Variants in CATSPER4 observed in about 807,000 individuals in gnomAD.
The protein encoded by CATSPER4 is cation channel sperm associated 4, also known as cation channel sperm-associated protein 4.
CATSPER4 carries 46 observed loss-of-function variants against 54.4 expected under a neutral mutation model. The ratio of observed to expected loss-of-function variants is 0.84; its 90% CI spans 0.67 to 1.08. The LOEUF is 1.08. Among genes scored for constraint, CATSPER4 ranks in the 50% least tolerant of loss-of-function variants. The probability of loss-of-function intolerance (pLI) is 0.00; values close to 1 mark genes in which losing one functional copy is unlikely to be tolerated. For missense variants in CATSPER4, 574 were observed against 612.8 expected (o/e 0.94, Z 0.67); for synonymous variants, 230 against 231.9 (o/e 0.99, Z 0.08).
At chr1:26,197,829 C>T in intron 4 of CATSPER4, 46 bp downstream of exon 4, 1 of 1,607,508 alleles carries the variant, frequency 6.2e-7, no homozygotes, top group Non-Finnish European at 8.5e-7. Flanking sequence ...ATCTGGAACC[C>T]AGGAATGAGA....
chr1:26,192,129 C>CTT (rs1189162445), intron 2 of CATSPER4, among the ~76,000 whole-genome samples: 120 of 139,710 alleles, frequency 8.6e-4, no homozygotes, highest in African/African-American at 2.6e-3. Context: ...GTTTTAATTT[C>CTT]TTTTTTTTTT....
In CATSPER4 at chr1:26,200,823, T is replaced by G. The variant is rs1325458968; in HGVS notation, c.988-7T>G. ...GTCCCGACCCCTCTCTATCCCCCGCTTCCCAGACAGGCGCAGAGGAAGAGG... is the reference window on the plus strand; with the variant it reads ...GTCCCGACCCCTCTCTATCCCCCGCGTCCCAGACAGGCGCAGAGGAAGAGG... On this transcript the variant is annotated splice_polypyrimidine_tract_variant and splice_region_variant and intron_variant, in intron 7 of 9. Transcript: ENST00000456354. 7.4e-6 allele frequency: 12 copies of G among 1,612,946 alleles called. No homozygotes were observed. The highest frequency in any genetic ancestry group is 1.0e-5 in the Non-Finnish European group (12 of 1,179,136).
At chr1:26,193,951 C>G in intron 3 of CATSPER4, 63 bp downstream of exon 3, 1 of 1,083,436 alleles carries the variant, frequency 9.2e-7, no homozygotes, top group Non-Finnish European at 1.4e-6. Context: ...CAGTCTGCCC[C>G]TGTACTCCTG....
At chr1:26,194,678 A>C (rs1454978980) in intron 3 of CATSPER4, among the ~76,000 whole-genome samples, 1 of 152,240 alleles carries the variant, frequency 6.6e-6, no homozygotes, top group Non-Finnish European at 1.5e-5. Context: ...GGATCTGCAG[A>C]CAGGCAGACT....
rs1569904288 is a variant in CATSPER4 at position 26,196,119 on chromosome 1, A to C, written c.460-1567A>C. On this transcript the variant is annotated intron_variant, in intron 3 of 9. Coordinates refer to ENST00000456354, the MANE Select transcript of CATSPER4 (RefSeq NM_198137.2). ...AATCTTTCTATATCAGTACATGGAGATCTTTCTCATTTTTCTTTCTTTTCC... is the reference window on the plus strand; with the variant it reads ...AATCTTTCTATATCAGTACATGGAGCTCTTTCTCATTTTTCTTTCTTTTCC... 2.0e-5 allele frequency among the ~76,000 whole-genome samples: 3 copies of C among 147,088 alleles called. No homozygotes were observed. The East Asian group carries it at 5.9e-4, about 29-fold the overall frequency.
In CATSPER4 at chr1:26,202,924, G is replaced by A. The variant is rs553979826; in HGVS notation, c.*382G>A. ...AGAAGAGAAAGGCAAGGCCAGTGGGGCCAGACATCTGTGTGTTGACAATAA... is the reference window on the plus strand; with the variant it reads ...AGAAGAGAAAGGCAAGGCCAGTGGGACCAGACATCTGTGTGTTGACAATAA... On this transcript the variant is annotated 3_prime_UTR_variant, in exon 10 of 10. Transcript: ENST00000456354. 305 of 302,442 alleles carry A rather than the reference G, an allele frequency of 1.0e-3. 2 individuals are homozygous for A. The highest frequency in any genetic ancestry group is 5.8e-3 in the African/African-American group (274 of 47,310). 18.7% of individuals were successfully genotyped at this position (302,442 alleles called of 1,614,324 possible). A position where few individuals can be genotyped will look rare whatever the true frequency, so the allele number is the denominator to read the frequency against.
chr1:26,192,344 C>T (rs1364980977), intron 2 of CATSPER4, among the ~76,000 whole-genome samples: 1 of 151,946 alleles, frequency 6.6e-6, no homozygotes. Flanking sequence ...AATCCCAACA[C>T]TTTGGCAGGC....
At position 26,198,046 on chromosome 1, in the gene CATSPER4, A is replaced by G. The variant is rs1329626975; in HGVS notation, c.647A>G (p.Asn216Ser). ...VILQSVPDMA[N>S]IMVLILFFML... ...CTGCAGTCGGTGCCTGACATGGCCA[A>G]TATCATGGTCCTCATCCTCTTCTTC... Residue 216 changes from asparagine (N) to serine (S), a missense_variant, in exon 5 of 10, where the codon AAT becomes AGT. Transcript: ENST00000456354. The G allele has an allele frequency of 2.5e-6, 4 of 1,613,880 alleles. No homozygotes were observed. The highest frequency in any genetic ancestry group is 1.1e-5 in the South Asian group (1 of 91,090).
intron 2 of CATSPER4, 45 bp downstream of exon 2, chr1:26,191,475 G>A (rs557773497): frequency 2.5e-6 from 4 of 1,606,270 alleles, no homozygotes; most frequent in Non-Finnish European, 2.6e-6. Context: ...CTAATGGGGG[G>A]CCTGGGGCAA....
Position 26,199,905 on chromosome 1 carries a change from A to C in CATSPER4, c.834A>C (p.Ala278=), listed in dbSNP as rs2088987657. 1 of 1,614,052 alleles carries C rather than the reference A, an allele frequency of 6.2e-7. No individual in the cohort carries two copies. The highest frequency in any genetic ancestry group is 1.3e-5 in the African/African-American group (1 of 74,932). ...SDFQTEKREY[A]MEIGGAIYFT... ...GCAGGACAGAGAAGAGGGAATATGC[A>C]ATGGAGATTGGGGGTGCCATCTACT... The change falls in exon 7 of 10, where the codon GCA becomes GCC. Residue 278 remains alanine (A), a synonymous_variant. Transcript: ENST00000456354.
rs561885735 is a variant in CATSPER4, at chr1:26,202,795, G to C, written c.*253G>C. 639 of 564,036 alleles carry C rather than the reference G, an allele frequency of 1.1e-3. No individual in the cohort carries two copies. The highest frequency in any genetic ancestry group is 1.8e-3 in the Non-Finnish European group (565 of 314,238). 34.9% of individuals were successfully genotyped at this position (564,036 alleles called of 1,614,324 possible). Reference sequence around the variant, plus strand: ...CCTAGCAGCAAGGATGAGCACAGAAGGGGGTGCTGGCCAACGCAGCCAGGA... The same window carrying C: ...CCTAGCAGCAAGGATGAGCACAGAACGGGGTGCTGGCCAACGCAGCCAGGA... On this transcript the variant is annotated 3_prime_UTR_variant, in exon 10 of 10. Coordinates refer to ENST00000456354, the MANE Select transcript of CATSPER4 (RefSeq NM_198137.2).
In CATSPER4 at chr1:26,198,465, G is replaced by A. The variant is rs201067407; in HGVS notation, c.812+46G>A. ...CAGCCTCATCCCACCTATGGGGCAG[G>A]GTAGCCGGTGGAGCTCCAGGCTGAG... On this transcript the variant is annotated intron_variant, in intron 6 of 9. Transcript: ENST00000456354. 4.7e-4 allele frequency: 757 copies of A among 1,612,350 alleles called. 5 individuals carry two copies. In the East Asian group the frequency reaches 0.013, roughly 28 times the overall value.
Position 26,198,296 on chromosome 1 carries a change from T to C in CATSPER4, c.689T>C (p.Val230Ala), listed in dbSNP as rs1340031280. The change falls in exon 6 of 10, where the codon GTG (valine) becomes GCG (alanine). Residue 230 changes from valine (V) to alanine (A), a missense_variant. Transcript: ENST00000456354. ...LILFFMLVFSVFGVTLFGAFV... is the reference protein window; with the variant it reads ...LILFFMLVFSAFGVTLFGAFV... ...TTTTCTCTCTGACAGGTTTTTTCCGTGTTTGGAGTAACACTCTTTGGTGCA... is the reference window on the plus strand; with the variant it reads ...TTTTCTCTCTGACAGGTTTTTTCCGCGTTTGGAGTAACACTCTTTGGTGCA... 2 of 1,614,094 alleles carry C rather than the reference T, an allele frequency of 1.2e-6. No individual in the cohort carries two copies. Among genetic ancestry groups the C allele is most frequent in the Non-Finnish European group, 1.7e-6 (2 of 1,180,042 alleles).
At chr1:26,200,647 G>T (rs556915567) in intron 7 of CATSPER4, among the ~76,000 whole-genome samples, 183 bp from the exon 8 acceptor site, 2 of 152,174 alleles carry the variant, frequency 1.3e-5, no homozygotes, top group South Asian at 4.1e-4. Flanking sequence ...GTGGGGGGAG[G>T]TCATGTGCAT....
chr1:26,201,530 C>T lies in CATSPER4; in HGVS notation c.1365+11C>T, dbSNP rs2089008481. ...GTTAGCATGGAAAAGGTGTGCCTTC[C>T]TTCTCCTACCCAATGGGTACTCGCC... is the stretch of plus-strand genomic sequence containing the variant. On this transcript the variant is annotated intron_variant, in intron 9 of 9. Coordinates refer to ENST00000456354, the MANE Select transcript of CATSPER4 (RefSeq NM_198137.2). 1 of 1,613,810 alleles carries T rather than the reference C, an allele frequency of 6.2e-7. No homozygotes were observed. The highest frequency in any genetic ancestry group is 1.1e-5 in the South Asian group (1 of 91,032).
chr1:26,201,526 C>T lies in CATSPER4; in HGVS notation c.1365+7C>T. 6.2e-7 allele frequency: 1 copy of T among 1,613,896 alleles called. No individual in the cohort carries two copies. The highest frequency in any genetic ancestry group is 1.7e-5 in the Admixed American group (1 of 60,016). ...GCTCGTTAGCATGGAAAAGGTGTGC[C>T]TTCCTTCTCCTACCCAATGGGTACT... On this transcript the variant is annotated splice_region_variant and intron_variant, in intron 9 of 9. Transcript: ENST00000456354.
At chr1:26,201,637 TCAC>T (rs768309873) in intron 9 of CATSPER4, 118 bp downstream of exon 9, 6 of 852,252 alleles carry the variant, frequency 7.0e-6, no homozygotes, top group East Asian at 5.3e-5. Context: ...CTGGTCCCCC[TCAC>T]CACCACCACC....
In CATSPER4 at chr1:26,193,005, C is replaced by T. The variant is rs147322828; in HGVS notation, c.358-782C>T. ...TAATCCCAGCTACTTGGGAGGCTGACGTAGGAGAATCGCTTGAACCCAGGA... is the reference window on the plus strand; with the variant it reads ...TAATCCCAGCTACTTGGGAGGCTGATGTAGGAGAATCGCTTGAACCCAGGA... On this transcript the variant is annotated intron_variant, in intron 2 of 9. Coordinates refer to ENST00000456354, the MANE Select transcript of CATSPER4 (RefSeq NM_198137.2). 8.3e-3 allele frequency among the ~76,000 whole-genome samples: 1,250 copies of T among 150,898 alleles called. 68 individuals are homozygous for T. Among genetic ancestry groups the T allele is most frequent in the Admixed American group, 0.067 (1,018 of 15,140 alleles).
intron 2 of CATSPER4, 132 bp from the exon 3 acceptor site, chr1:26,193,655 A>C (rs1045421862): frequency 1.1e-5 from 8 of 731,258 alleles, no homozygotes; most frequent in Admixed American, 1.9e-5. Flanking sequence ...AGGAAGTGAC[A>C]AGGTTGCTGA....
Sources: gnomAD v4.1 joint callset for allele counts (sites outside exome capture counted in the v4.1 genomes callset) on GRCh38, gnomAD v4.1.1 for gene constraint, MANE v1.5 for transcripts, NCBI Gene and HGNC (gene_info 2026-07-23, HGNC 2026-07-21) for gene names.